SFRP5: variants seen among roughly 807,000 people sequenced by gnomAD.
SFRP5 encodes secreted frizzled related protein 5.
Under a neutral mutation model 27.0 loss-of-function variants are expected in SFRP5, and 22 were observed. The observed-to-expected ratio is 0.82, with a 90% CI of 0.58 to 1.17. SFRP5 has a LOEUF of 1.17. Among genes scored for constraint, SFRP5 ranks in the 50% most tolerant of loss-of-function variants. SFRP5 has a pLI of 0.00. For missense variants in SFRP5, 406 were observed against 436.6 expected, an observed-to-expected ratio of 0.93 and a Z score of 0.63; for synonymous variants, 171 against 195.0, an observed-to-expected ratio of 0.88 and a Z score of 1.03.
chr10:97,767,914 G>T, intron 2 of SFRP5, 54 bp from the exon 3 acceptor site: 2 of 1,343,578 alleles, frequency 1.5e-6, no homozygotes, highest in Non-Finnish European at 2.0e-6. Flanking sequence ...TGTGTGGGAT[G>T]CTGGTGGGCA....
chr10:97,771,290 C>A lies in SFRP5; in HGVS notation c.529+15G>T. On this transcript the variant is annotated intron_variant, in intron 1 of 2. Coordinates refer to ENST00000266066, the MANE Select transcript of SFRP5 (RefSeq NM_003015.3). This position sits in a 1 kb window ranked among gnomAD's most constrained non-coding sequence, Gnocchi z 5.2. ...GGGCCGTCGGAGCGCGCGGGGACGG[C>A]GGCGGCGGCGCTACCTGGAGGCGCG... 1 of 1,517,148 alleles carries A rather than the reference C, an allele frequency of 6.6e-7. No individual in the cohort carries two copies. Among genetic ancestry groups the A allele is most frequent in the South Asian group, 1.3e-5 (1 of 78,378 alleles). 94.0% of individuals were successfully genotyped at this position (1,517,148 alleles called of 1,614,324 possible).
Position 97,771,923 on chromosome 10 carries a change from A to T in SFRP5, c.-90T>A, listed in dbSNP as rs1475994429. ...GTTCCGGCGTGCGCCCCCGGCCCTG[A>T]CTCTACCCAGCCGCCGCCGCCGCCG... On this transcript the variant is annotated 5_prime_UTR_variant, in exon 1 of 3. Transcript: ENST00000266066. The surrounding 1 kb of genome is among the most constrained non-coding windows in gnomAD (Gnocchi z 5.2). The T allele has an allele frequency of 4.4e-6, 4 of 910,530 alleles. No individual in the cohort carries two copies. The highest frequency in any genetic ancestry group is 5.2e-6 in the Non-Finnish European group (4 of 762,136). 56.4% of individuals were successfully genotyped at this position (910,530 alleles called of 1,614,324 possible). A position where few individuals can be genotyped will look rare whatever the true frequency, so the allele number is the denominator to read the frequency against.
Position 97,767,497 on chromosome 10 carries a change from GC to G in SFRP5, c.*16del. The G allele has an allele frequency of 3.2e-6, 5 of 1,570,476 alleles. No homozygotes were observed. The highest frequency in any genetic ancestry group is 4.3e-6 in the Non-Finnish European group (5 of 1,153,742). On this transcript the variant is annotated 3_prime_UTR_variant, in exon 3 of 3. Transcript: ENST00000266066. ...GGGCAAGCAAGGCACAGCTGGCAGG[GC>G]AAGGAGGAGTGCCCTTCAGTGGGGC...
Position 97,767,351 on chromosome 10 carries a change from C to T in SFRP5, c.*163G>A, listed in dbSNP as rs926866808. The T allele has an allele frequency of 5.1e-6, 3 of 586,342 alleles. No homozygotes were observed. The highest frequency in any genetic ancestry group is 5.9e-6 in the Non-Finnish European group (2 of 339,686). 36.3% of individuals were successfully genotyped at this position (586,342 alleles called of 1,614,324 possible). A position where few individuals can be genotyped will look rare whatever the true frequency, so the allele number is the denominator to read the frequency against. On this transcript the variant is annotated 3_prime_UTR_variant, in exon 3 of 3. Transcript: ENST00000266066. ...CAACATCCCAGGGACCCCAGGACCCCTGGGTCAAAAAGGACAGCCTGGGCT... is the reference window on the plus strand; with the variant it reads ...CAACATCCCAGGGACCCCAGGACCCTTGGGTCAAAAAGGACAGCCTGGGCT...
In SFRP5 at chr10:97,771,936, G is replaced by C. The variant is rs2049521079; in HGVS notation, c.-103C>G. The stretch of plus-strand genomic sequence containing the variant: ...CCCCCGGCCCTGACTCTACCCAGCC[G>C]CCGCCGCCGCCGCCGCGGAGGTCGC... On this transcript the variant is annotated 5_prime_UTR_variant, in exon 1 of 3. Transcript: ENST00000266066. The surrounding 1 kb of genome is among the most constrained non-coding windows in gnomAD (Gnocchi z 5.2). 1.4e-6 allele frequency: 1 copy of C among 732,928 alleles called. No individual in the cohort carries two copies. The highest frequency in any genetic ancestry group is 1.6e-6 in the Non-Finnish European group (1 of 633,104). The allele number at this position is 732,928 out of a possible 1,614,324, so 45.4% of individuals were successfully genotyped here.
At chr10:97,769,841 C>A in intron 1 of SFRP5, 96 bp from the exon 2 acceptor site, 1 of 780,172 alleles carries the variant, frequency 1.3e-6, no homozygotes, top group South Asian at 1.5e-5. Flanking sequence ...ACTGACCAGC[C>A]ACTTCCCCTT....
chr10:97,771,566 TCGCCTGCTGCTTCACTTCGGCCAG>T lies in SFRP5; in HGVS notation c.244_267del (p.Leu82_Ala89del), dbSNP rs753616409. On this transcript the variant is annotated inframe_deletion, in exon 1 of 3. Coordinates refer to ENST00000266066, the MANE Select transcript of SFRP5 (RefSeq NM_003015.3). This position sits in a 1 kb window ranked among gnomAD's most constrained non-coding sequence, Gnocchi z 5.2. ...TTGGCCAGCAGCGGCAGCCAGCTGC[TCGCCTGCTGCTTCACTTCGGCCAG>T]GCTCTCGTGCTCCAGCAGGTTGGGC... 2 of 1,611,400 alleles carry T rather than the reference TCGCCTGCTGCTTCACTTCGGCCAG, an allele frequency of 1.2e-6. No individual in the cohort carries two copies. Among genetic ancestry groups the T allele is most frequent in the African/African-American group, 2.7e-5 (2 of 74,866 alleles).
chr10:97,770,064 T>C (rs938999541), intron 1 of SFRP5, among the ~76,000 whole-genome samples: 5 of 152,168 alleles, frequency 3.3e-5, no homozygotes, highest in Non-Finnish European at 7.3e-5. Flanking sequence ...AAATAGGGAT[T>C]CTTATTCCTA....
Position 97,771,605 on chromosome 10 carries a change from G to T in SFRP5, c.229C>A (p.Leu77Met). ...GYKRMRLPNL[L>M]EHESLAEVKQ... ...ACTTCGGCCAGGCTCTCGTGCTCCAGCAGGTTGGGCAGCCGCATGCGCTTG... is the reference window on the plus strand; with the variant it reads ...ACTTCGGCCAGGCTCTCGTGCTCCATCAGGTTGGGCAGCCGCATGCGCTTG... Residue 77 changes from leucine (L) to methionine (M), a missense_variant, in exon 1 of 3, where the codon CTG becomes ATG. By Grantham distance (15) the Leu-to-Met change is conservative. Coordinates refer to ENST00000266066, the MANE Select transcript of SFRP5 (RefSeq NM_003015.3). The surrounding 1 kb of genome is among the most constrained non-coding windows in gnomAD (Gnocchi z 5.2). The T allele has an allele frequency of 6.2e-7, 1 of 1,610,846 alleles. No homozygotes were observed. Among genetic ancestry groups the T allele is most frequent in the Non-Finnish European group, 8.5e-7 (1 of 1,179,586 alleles).
intron 2 of SFRP5, among the ~76,000 whole-genome samples, chr10:97,769,031 G>A (rs996363003): frequency 6.6e-6 from 1 of 152,166 alleles, no homozygotes; most frequent in Non-Finnish European, 1.5e-5. Context: ...CTGAAGAAAG[G>A]ACTTCATTAT....
chr10:97,767,921 G>C, intron 2 of SFRP5, 61 bp from the exon 3 acceptor site: 1 of 1,303,892 alleles, frequency 7.7e-7, no homozygotes, highest in East Asian at 2.3e-5. Context: ...GATGCTGGTG[G>C]GCACAGAGTT....
chr10:97,769,071 G>T (rs1472345232), intron 2 of SFRP5, among the ~76,000 whole-genome samples: 1 of 152,098 alleles, frequency 6.6e-6, no homozygotes, highest in African/African-American at 2.4e-5. Flanking sequence ...TTATAGACAG[G>T]GAGGCTAAGA....
chr10:97,770,683 G>A (rs541790727), intron 1 of SFRP5, among the ~76,000 whole-genome samples: 2 of 152,352 alleles, frequency 1.3e-5, no homozygotes, highest in East Asian at 3.9e-4. Flanking sequence ...AGCCTAATCT[G>A]CTCTTCCTTC....
chr10:97,771,719 C>T lies in SFRP5; in HGVS notation c.115G>A (p.Ala39Thr). The T allele has an allele frequency of 6.3e-7, 1 of 1,596,734 alleles. No homozygotes were observed. Among genetic ancestry groups the T allele is most frequent in the East Asian group, 2.2e-5 (1 of 44,800 alleles). Residue 39 changes from alanine (A) to threonine (T), a missense_variant, in exon 1 of 3, where the codon GCC becomes ACC. Physicochemically the swap from Ala to Thr is moderately conservative, Grantham distance 58 (BLOSUM62 0). Transcript: ENST00000266066. The surrounding 1 kb of genome is among the most constrained non-coding windows in gnomAD (Gnocchi z 5.2). ...CEEYDYYGWQ[A>T]EPLHGRSYSK... ...TAGGAGCGGCCGTGCAGCGGCTCGG[C>T]CTGCCAGCCATAGTAGTCGTACTCC...
At position 97,771,187 on chromosome 10, in the gene SFRP5, CGT is replaced by C. The variant is rs112460945; in HGVS notation, c.529+116_529+117del. ...GGGACGCTGGGCTGAGCTAGGACAG[CGT>C]GTGTGTGTGTGTGTGGGCGGAGGGG... On this transcript the variant is annotated intron_variant, in intron 1 of 2. Transcript: ENST00000266066. This position sits in a 1 kb window ranked among gnomAD's most constrained non-coding sequence, Gnocchi z 5.2. The C allele has an allele frequency of 0.039, 16,154 of 418,718 alleles. No individual in the cohort carries two copies. Among genetic ancestry groups the C allele is most frequent in the South Asian group, 0.064 (2,068 of 32,438 alleles). 25.9% of individuals were successfully genotyped at this position (418,718 alleles called of 1,614,324 possible). A position where few individuals can be genotyped will look rare whatever the true frequency, so the allele number is the denominator to read the frequency against.
rs1382959723 is a variant in SFRP5 at position 97,771,705 on chromosome 10, G to A, written c.129C>T (p.His43=). ...GCGGCGGCTTGGAGTAGGAGCGGCC[G>A]TGCAGCGGCTCGGCCTGCCAGCCAT... ...DYYGWQAEPL[H]GRSYSKPPQC... Residue 43 remains histidine (H), a synonymous_variant, in exon 1 of 3, where the codon CAC becomes CAT. Coordinates refer to ENST00000266066, the MANE Select transcript of SFRP5 (RefSeq NM_003015.3). The surrounding 1 kb of genome is among the most constrained non-coding windows in gnomAD (Gnocchi z 5.2). 6.3e-7 allele frequency: 1 copy of A among 1,597,708 alleles called. No homozygotes were observed. Among genetic ancestry groups the A allele is most frequent in the African/African-American group, 1.3e-5 (1 of 74,874 alleles).
chr10:97,770,667 G>A (rs1451013361), intron 1 of SFRP5, among the ~76,000 whole-genome samples: 1 of 152,186 alleles, frequency 6.6e-6, no homozygotes, highest in Non-Finnish European at 1.5e-5. Flanking sequence ...TTCTCTTCAG[G>A]GGCAGAGCCT....
intron 1 of SFRP5, among the ~76,000 whole-genome samples, chr10:97,770,418 C>G (rs967986651): frequency 2.6e-5 from 4 of 152,048 alleles, no homozygotes; most frequent in African/African-American, 9.7e-5. Flanking sequence ...AGCGGTTACT[C>G]AAGTCTGACA....
Position 97,767,624 on chromosome 10 carries a change from A to G in SFRP5, c.844T>C (p.Tyr282His), listed in dbSNP as rs779572382. Residue 282 changes from tyrosine (Y) to histidine (H), a missense_variant, in exon 3 of 3, where the codon TAC (tyrosine) becomes CAC (histidine). Coordinates refer to ENST00000266066, the MANE Select transcript of SFRP5 (RefSeq NM_003015.3). ...VDGQLLLMAV[Y>H]RWDKKNKEMK... is the part of the protein sequence containing the mutation. ...TCCTTATTCTTCTTGTCCCAGCGGT[A>G]GACGGCCATGAGCAGCAGCTGTCCA... The G allele has an allele frequency of 3.1e-6, 5 of 1,613,848 alleles. No individual in the cohort carries two copies. Among genetic ancestry groups the G allele is most frequent in the Non-Finnish European group, 4.2e-6 (5 of 1,180,044 alleles).
Sources: allele counts gnomAD v4.1 joint callset (sites outside exome capture counted in the v4.1 genomes callset), GRCh38; gene constraint gnomAD v4.1.1; non-coding constraint Gnocchi (gnomAD v3.1); transcripts MANE v1.5; gene names NCBI Gene and HGNC (gene_info 2026-07-23, HGNC 2026-07-21).